TRPM3: variants seen among roughly 807,000 people sequenced by gnomAD.
TRPM3 encodes the protein transient receptor potential cation channel subfamily M member 3.
In TRPM3, 77 loss-of-function variants were observed where a neutral mutation model predicts 181.2. The ratio of observed to expected loss-of-function variants is 0.42; its 90% confidence interval spans 0.35 to 0.51. TRPM3 has a LOEUF of 0.51. Ranked by LOEUF, TRPM3 falls within the 20% of genes least tolerant of loss-of-function variation. TRPM3 has a pLI of 0.01. For synonymous variants in TRPM3, 745 were observed against 796.4 expected (o/e 0.94, Z 1.09); for missense variants, 1,759 against 2,196.7 (o/e 0.80, Z 3.98).
At chr9:71,027,578 C>T (rs1398069169) in intron 1 of TRPM3, among the ~76,000 whole-genome samples, 3 of 152,282 alleles carry the variant, frequency 2.0e-5, no homozygotes, top group South Asian at 4.1e-4. Flanking sequence ...TAAAATGTTA[C>T]AGGAGCTGAC....
At chr9:71,069,323 T>C (rs1227614314) in intron 1 of TRPM3, among the ~76,000 whole-genome samples, 2 of 150,904 alleles carry the variant, frequency 1.3e-5, no homozygotes, top group African/African-American at 2.4e-5. Flanking sequence ...ACTACAGGCA[T>C]GCACCACTGC....
At chr9:71,441,877 C>G (rs891092076) in intron 1 of TRPM3, among the ~76,000 whole-genome samples, 1 of 152,106 alleles carries the variant, frequency 6.6e-6, no homozygotes, top group Non-Finnish European at 1.5e-5. Context: ...GTGATCCACC[C>G]GCCTCGGCCT....
At chr9:70,971,210 G>A (rs1373595198) in intron 1 of TRPM3, among the ~76,000 whole-genome samples, 1 of 152,094 alleles carries the variant, frequency 6.6e-6, no homozygotes, top group East Asian at 1.9e-4. Flanking sequence ...CCAAAGTTTT[G>A]TATACTTAAC....
intron 6 of TRPM3, among the ~76,000 whole-genome samples, chr9:70,798,854 CG>C (rs2088002101): frequency 6.6e-6 from 1 of 152,144 alleles, no homozygotes; most frequent in South Asian, 2.1e-4. Context: ...GCCTTAACTA[CG>C]GGGCCTCAGC....
At chr9:70,546,676 G>GAA (rs76948604) in intron 25 of TRPM3, among the ~76,000 whole-genome samples, 14 of 86,590 alleles carry the variant, frequency 1.6e-4, no homozygotes, top group East Asian at 9.5e-4. Context: ...CTCCTCATCG[G>GAA]AAAAAAAAAA....
At chr9:71,100,341 CATTGAAAAATTAGAAGTAAAGG>C (rs1307332096) in intron 1 of TRPM3, among the ~76,000 whole-genome samples, 20 of 151,960 alleles carry the variant, frequency 1.3e-4, no homozygotes, top group African/African-American at 4.8e-4. Flanking sequence ...GATAAGAAAC[CATTGAAAAATTAGAAGTAAAGG>C]ATGCTCAAAC....
chr9:70,991,372 G>A (rs2097482655), intron 1 of TRPM3, among the ~76,000 whole-genome samples: 1 of 152,082 alleles, frequency 6.6e-6, no homozygotes, highest in African/African-American at 2.4e-5. Context: ...TATAGTTGCA[G>A]CAAATATTCC....
Position 70,635,305 on chromosome 9 carries a change from G to A in TRPM3, c.1582-44C>T, listed in dbSNP as rs751108711. On this transcript the variant is annotated intron_variant, in intron 11 of 25. Transcript: ENST00000677713. ...AATCAAACAGTTTTGCTAGTCAGGG[G>A]CTCTGGTTGGCAAGACAAGAAGGAT... The A allele has an allele frequency of 2.5e-6, 4 of 1,575,718 alleles. No individual in the cohort carries two copies. In the East Asian group the frequency reaches 6.7e-5, roughly 26 times the overall value.
At chr9:71,229,207 T>G (rs893627073) in intron 1 of TRPM3, among the ~76,000 whole-genome samples, 3 of 152,082 alleles carry the variant, frequency 2.0e-5, no homozygotes, top group Admixed American at 2.0e-4. Context: ...GCCAAATGCA[T>G]GCATTGGGGA....
At chr9:70,851,549 G>A (rs1318149470) in intron 3 of TRPM3, among the ~76,000 whole-genome samples, 2 of 152,180 alleles carry the variant, frequency 1.3e-5, no homozygotes, top group Non-Finnish European at 2.9e-5. Flanking sequence ...TATTGATCAG[G>A]TGAGCAGCTC....
At chr9:71,118,140 C>T (rs530062041) in intron 1 of TRPM3, among the ~76,000 whole-genome samples, 24 of 152,158 alleles carry the variant, frequency 1.6e-4, no homozygotes, top group Non-Finnish European at 2.5e-4. Flanking sequence ...AGAAAGGGTC[C>T]CATTTGAAAT....
chr9:70,658,530 A>G (rs1002883058), intron 9 of TRPM3, among the ~76,000 whole-genome samples: 5 of 152,116 alleles, frequency 3.3e-5, no homozygotes, highest in Admixed American at 3.3e-4. Flanking sequence ...AAATTATGAG[A>G]AACTTCTATA....
chr9:70,869,983 C>A (rs556025242), intron 1 of TRPM3, among the ~76,000 whole-genome samples: 2 of 152,094 alleles, frequency 1.3e-5, no homozygotes, highest in African/African-American at 4.8e-5. Context: ...GGCAAAAATA[C>A]TTTTTAAAAA....
chr9:70,929,632 C>G lies in TRPM3; in HGVS notation c.178-65121G>C, dbSNP rs2096755857. Reference sequence around the variant, plus strand: ...TCTAAAATCACATGTCCTACTGGATCCTAGTTGAGCCTGGCTGACAGCAGC... The same window carrying G: ...TCTAAAATCACATGTCCTACTGGATGCTAGTTGAGCCTGGCTGACAGCAGC... On this transcript the variant is annotated intron_variant, in intron 1 of 25. Coordinates refer to ENST00000677713, the MANE Select transcript of TRPM3 (RefSeq NM_001366145.2). 2.0e-5 allele frequency among the ~76,000 whole-genome samples: 3 copies of G among 152,116 alleles called. No individual in the cohort carries two copies. The South Asian group carries it at 6.2e-4, about 32-fold the overall frequency.
Position 71,400,645 on chromosome 9 carries a change from AT to A in TRPM3, c.183+46007del, listed in dbSNP as rs199867603. Reference sequence around the variant, plus strand: ...AAAATTAAATTTTTTGAAATTATTTATTGCTAATACTTAAAACCAAGGACCT... The same window carrying A: ...AAAATTAAATTTTTTGAAATTATTTATGCTAATACTTAAAACCAAGGACCT... On this transcript the variant is annotated intron_variant, in intron 1 of 24. Coordinates refer to the TRPM3 transcript ENST00000357533. Among the ~76,000 whole-genome samples, 603 of 152,210 alleles carry A rather than the reference AT, an allele frequency of 4.0e-3. 3 individuals carry two copies. The highest frequency in any genetic ancestry group is 0.014 in the African/African-American group (571 of 41,556).
At chr9:71,334,623 T>C (rs2090433806) in intron 1 of TRPM3, among the ~76,000 whole-genome samples, 1 of 152,126 alleles carries the variant, frequency 6.6e-6, no homozygotes, top group African/African-American at 2.4e-5. Context: ...CCCTGAACTA[T>C]AATCCTTTAT....
intron 9 of TRPM3, among the ~76,000 whole-genome samples, chr9:70,674,836 G>A (rs1245593605): frequency 2.0e-5 from 3 of 150,060 alleles, no homozygotes; most frequent in Non-Finnish European, 4.4e-5. Flanking sequence ...AAAGTGCTGG[G>A]ATTACATGCA....
chr9:70,681,573 C>T lies in TRPM3; in HGVS notation c.1278G>A (p.Thr426=), dbSNP rs763054260. Residue 426 remains threonine (T), a synonymous_variant, in exon 9 of 26, where the codon ACG becomes ACA. Transcript: ENST00000677713. ...MECMKKKELI[T]VFRMGSEGHQ... ...GTCCTTCTGATCCCATCCGAAATAC[C>T]GTAATCTGCAATTTGAGACAAGGTG... is the stretch of plus-strand genomic sequence containing the variant. The T allele has an allele frequency of 6.6e-5, 107 of 1,613,518 alleles. 1 individual carries two copies. The highest frequency in any genetic ancestry group is 8.5e-5 in the Non-Finnish European group (100 of 1,179,682).
intron 1 of TRPM3, among the ~76,000 whole-genome samples, chr9:71,033,614 G>A (rs546876840): frequency 1.3e-5 from 2 of 152,104 alleles, no homozygotes; most frequent in Non-Finnish European, 2.9e-5. Context: ...TCACAGTGGC[G>A]ATGGATTAAA....
Sources: gnomAD v4.1 joint callset for allele counts (sites outside exome capture counted in the v4.1 genomes callset) on GRCh38, gnomAD v4.1.1 for gene constraint, MANE v1.5 for transcripts, NCBI Gene and HGNC (gene_info 2026-07-23, HGNC 2026-07-21) for gene names.